DLGAP2: variants seen among roughly 807,000 people sequenced by gnomAD.
DLGAP2 encodes disks large-associated protein 2.
DLGAP2 carries 26 observed loss-of-function variants against 100.3 expected under a neutral mutation model. That is an observed-to-expected ratio of 0.26 (90% CI 0.19 to 0.36). The LOEUF (loss-of-function observed/expected upper bound fraction) is 0.36, where lower values mean the gene tolerates loss of function less well. Ranked by LOEUF, DLGAP2 falls within the 10% of genes least tolerant of loss-of-function variation. The pLI, the probability that DLGAP2 is intolerant of heterozygous loss-of-function variation, is 1.00. For missense variants in DLGAP2, 1,858 were observed against 1,453.2 expected (o/e 1.28, Z -4.53); for synonymous variants, 886 against 630.1 (o/e 1.41, Z -6.08).
rs1468927762 is a variant in DLGAP2 at position 1,258,793 on chromosome 8, T to C, written c.74-58T>C. ...TTGTTGTTGCTGATGTTGAATCTTT[T>C]TAACTGCATGGTTGAGACCCTGTGG... On this transcript the variant is annotated intron_variant, in intron 2 of 14. Coordinates refer to ENST00000637795, the MANE Select transcript of DLGAP2 (RefSeq NM_001346810.2). 7 of 1,224,770 alleles carry C rather than the reference T, an allele frequency of 5.7e-6. No individual in the cohort carries two copies. In the African/African-American group the frequency reaches 1.1e-4, roughly 19 times the overall value. The allele number at this position is 1,224,770 out of a possible 1,614,324, so 75.9% of individuals were successfully genotyped here.
chr8:1,489,401 C>G (rs1018004709), intron 3 of DLGAP2, among the ~76,000 whole-genome samples: 1 of 152,082 alleles, frequency 6.6e-6, no homozygotes, highest in Non-Finnish European at 1.5e-5. Context: ...CGCAGTGGTG[C>G]CATTATCTGT....
chr8:1,620,234 C>CT (rs1797286840), intron 6 of DLGAP2: 1 of 152,380 alleles, frequency 6.6e-6, no homozygotes, highest in Admixed American at 6.5e-5. Flanking sequence ...ATCTGACGGT[C>CT]TTTCCCCATC....
Position 880,467 on chromosome 8 carries a change from C to T in DLGAP2, c.19-27445C>T, listed in dbSNP as rs1383672747. On this transcript the variant is annotated intron_variant, in intron 1 of 14. Transcript: ENST00000637795. ...GTGTCCCCTCTCCAGCCCTTGCCTG[C>T]GACATGGCATCCGTGCTGGGGAGAC... is the stretch of plus-strand genomic sequence containing the variant. Among the ~76,000 whole-genome samples, 13 of 152,120 alleles carry T rather than the reference C, an allele frequency of 8.5e-5. 1 individual carries two copies. Among genetic ancestry groups the T allele is most frequent in the Non-Finnish European group, 1.5e-4 (10 of 68,008 alleles).
chr8:1,076,621 G>A (rs893781765), intron 2 of DLGAP2, among the ~76,000 whole-genome samples: 6 of 152,202 alleles, frequency 3.9e-5, no homozygotes, highest in Admixed American at 3.3e-4. Flanking sequence ...AAACTTTGCG[G>A]TCTGTACGTC....
intron 2 of DLGAP2, among the ~76,000 whole-genome samples, chr8:1,064,067 G>A (rs1039237451): frequency 1.3e-5 from 2 of 152,186 alleles, no homozygotes; most frequent in African/African-American, 2.4e-5. Context: ...GCAGCCCAGG[G>A]CAGAGAGTTT....
intron 1 of DLGAP2, among the ~76,000 whole-genome samples, chr8:788,031 G>A (rs1020698173): frequency 6.7e-6 from 1 of 150,028 alleles, no homozygotes; most frequent in Admixed American, 6.6e-5. Context: ...GTGGCCACAG[G>A]GGTCTGCCCT....
chr8:1,245,005 T>A (rs7843707), intron 2 of DLGAP2, among the ~76,000 whole-genome samples: 30,698 of 152,162 alleles, frequency 0.2, 3,788 homozygotes, highest in African/African-American at 0.34. Context: ...ACTGGACATC[T>A]TTGACCAGCC....
chr8:856,077 A>C (rs926102639), intron 1 of DLGAP2, among the ~76,000 whole-genome samples: 1 of 152,090 alleles, frequency 6.6e-6, no homozygotes, highest in Admixed American at 6.6e-5. Context: ...GAAATAAAAG[A>C]TATGCATATT....
chr8:985,275 C>T (rs1446314360), intron 2 of DLGAP2, among the ~76,000 whole-genome samples: 1 of 152,208 alleles, frequency 6.6e-6, no homozygotes, highest in African/African-American at 2.4e-5. Context: ...GATGTGTGTC[C>T]TTCAGCACGG....
intron 1 of DLGAP2, among the ~76,000 whole-genome samples, chr8:779,090 G>T (rs1465854061): frequency 6.6e-6 from 1 of 152,264 alleles, no homozygotes; most frequent in East Asian, 1.9e-4. Context: ...GCGGGTGGGA[G>T]TGACCCGATT....
chr8:943,910 A>T (rs1020062818), intron 2 of DLGAP2, among the ~76,000 whole-genome samples: 1 of 152,268 alleles, frequency 6.6e-6, no homozygotes, highest in African/African-American at 2.4e-5. Flanking sequence ...AGTCAACCTT[A>T]ATCTCTCATA....
At chr8:789,162 T>C (rs901087228) in intron 1 of DLGAP2, among the ~76,000 whole-genome samples, 1 of 152,220 alleles carries the variant, frequency 6.6e-6, no homozygotes, top group Admixed American at 6.5e-5. Flanking sequence ...CCCGTTACCA[T>C]GTTGTATTAG....
chr8:1,443,892 T>C (rs916565487), intron 3 of DLGAP2, among the ~76,000 whole-genome samples: 2 of 152,112 alleles, frequency 1.3e-5, no homozygotes, highest in African/African-American at 4.8e-5. Flanking sequence ...GACTTGGAAG[T>C]GGTACTGATA....
chr8:1,000,915 C>G (rs6987745), intron 2 of DLGAP2, among the ~76,000 whole-genome samples: 106,040 of 151,954 alleles, frequency 0.7, 37,838 homozygotes, highest in Non-Finnish European at 0.76. Flanking sequence ...TCCATGCGGC[C>G]TCCGAGAGTG....
chr8:915,286 G>A (rs1034977517), intron 2 of DLGAP2, among the ~76,000 whole-genome samples: 1 of 152,298 alleles, frequency 6.6e-6, no homozygotes, highest in East Asian at 1.9e-4. Context: ...GGTGGCTCAC[G>A]CCTGTAATCC....
intron 1 of DLGAP2, among the ~76,000 whole-genome samples, chr8:870,560 G>C (rs753704137): frequency 3.3e-5 from 5 of 152,072 alleles, no homozygotes; most frequent in Admixed American, 2.6e-4. Context: ...TTCCTGCTCT[G>C]TTTCCTCTCA....
At chr8:863,672 G>A (rs561296846) in intron 1 of DLGAP2, among the ~76,000 whole-genome samples, 106 of 152,254 alleles carry the variant, frequency 7.0e-4, no homozygotes, top group Non-Finnish European at 9.3e-4. Flanking sequence ...AAACCACAAC[G>A]AGCTGTCCCC....
intron 3 of DLGAP2, among the ~76,000 whole-genome samples, chr8:1,279,851 G>A (rs1025997674): frequency 3.9e-5 from 6 of 152,152 alleles, no homozygotes; most frequent in African/African-American, 9.7e-5. Flanking sequence ...GACCTTGACC[G>A]CCCTCTGTTG....
chr8:1,558,158 C>T (rs1455227417), intron 5 of DLGAP2, among the ~76,000 whole-genome samples: 4 of 152,166 alleles, frequency 2.6e-5, no homozygotes, highest in African/African-American at 7.2e-5. Flanking sequence ...AGGCATGCAG[C>T]GCCTCTGTTG....
Sources: gnomAD v4.1 joint callset for allele counts (sites outside exome capture counted in the v4.1 genomes callset) on GRCh38, gnomAD v4.1.1 for gene constraint, MANE v1.5 for transcripts, NCBI Gene and HGNC (gene_info 2026-07-23, HGNC 2026-07-21) for gene names.